Variants in TNFRSF13B observed in about 807,000 individuals in gnomAD.
TNFRSF13B encodes the protein TNF receptor superfamily member 13B.
TNFRSF13B carries 34 observed loss-of-function variants against 24.0 expected under a neutral mutation model. That is an observed-to-expected ratio of 1.41 (90% CI 1.08 to 1.88). TNFRSF13B has a LOEUF of 1.88. Among genes scored for constraint, TNFRSF13B ranks in the 40% most tolerant of loss-of-function variants. The pLI, the probability that TNFRSF13B is intolerant of heterozygous loss-of-function variation, is 0.00. For missense variants in TNFRSF13B, 415 were observed against 380.8 expected (o/e 1.09, Z -0.75); for synonymous variants, 173 against 150.3 (o/e 1.15, Z -1.10).
In TNFRSF13B at chr17:16,948,753, A is replaced by G; in HGVS notation, c.430T>C (p.Ser144Pro). 2 of 1,614,002 alleles carry G rather than the reference A, an allele frequency of 1.2e-6. No individual in the cohort carries two copies. Among genetic ancestry groups the G allele is most frequent in the Non-Finnish European group, 1.7e-6 (2 of 1,180,034 alleles). Residue 144 changes from serine to proline, a missense_variant, in exon 3 of 5, where the codon TCA (serine) becomes CCA (proline). Ser to Pro is a moderately conservative substitution (Grantham distance 74, BLOSUM62 -1). Coordinates refer to ENST00000261652, the MANE Select transcript of TNFRSF13B (RefSeq NM_012452.3). ...GGTGGCTTACCTGGACTTGCTTCTG[A>G]GCCTCTGTGCTCCAATCCTTGGTAC... ...GRYQGLEHRG[S>P]EASPALPGLK...
chr17:16,968,134 CCT>C (rs1240087034), intron 1 of TNFRSF13B, among the ~76,000 whole-genome samples: 2 of 107,176 alleles, frequency 1.9e-5, no homozygotes, highest in African/African-American at 7.1e-5. Context: ...AGAGCGAAAC[CCT>C]GTCTCAAAAA....
chr17:16,962,338 CT>C (rs2087668226), intron 1 of TNFRSF13B, among the ~76,000 whole-genome samples: 1 of 152,070 alleles, frequency 6.6e-6, no homozygotes, highest in African/African-American at 2.4e-5. Context: ...GAAACCCTGT[CT>C]TCACTGAAAA....
Position 16,939,661 on chromosome 17 carries a change from A to T in TNFRSF13B, c.768T>A (p.Ala256=), listed in dbSNP as rs745925364. 1 of 1,612,082 alleles carries T rather than the reference A, an allele frequency of 6.2e-7. No individual in the cohort carries two copies. The highest frequency in any genetic ancestry group is 1.7e-5 in the Admixed American group (1 of 59,876). The part of the protein sequence containing the change: ...VTPGTPDPTC[A]GRWGCHTRTT... ...TCCTGGTGTGGCACCCCCACCTTCC[A>T]GCACAAGTGGGGTCGGGGGTCCCAG... is the stretch of plus-strand genomic sequence containing the variant. Residue 256 remains alanine, a synonymous_variant, in exon 5 of 5, where the codon GCT becomes GCA. Transcript: ENST00000261652.
At chr17:16,943,676 T>G (rs1272178595) in intron 3 of TNFRSF13B, among the ~76,000 whole-genome samples, 5 of 152,150 alleles carry the variant, frequency 3.3e-5, no homozygotes, top group Admixed American at 6.5e-5. Flanking sequence ...GGGCCCTCTG[T>G]CATCTGGCAT....
rs752990010 is a variant in TNFRSF13B, at chr17:16,948,880, T to A, written c.303A>T (p.Ala101=). Residue 101 remains alanine, a synonymous_variant, in exon 3 of 5, where the codon GCA becomes GCT. Transcript: ENST00000261652. ...TCCTGAGCTTGTTCTCACAGAAGTA[T>A]GCACATTGCTTAGGGTGCTGTCCAC... The part of the protein sequence containing the change: ...SICGQHPKQC[A]YFCENKLRSP... 14 of 1,614,248 alleles carry A rather than the reference T, an allele frequency of 8.7e-6. No individual in the cohort carries two copies. The East Asian group carries it at 2.7e-4, about 31-fold the overall frequency.
chr17:16,946,043 G>C (rs2087545355), intron 3 of TNFRSF13B, among the ~76,000 whole-genome samples: 1 of 152,226 alleles, frequency 6.6e-6, no homozygotes, highest in South Asian at 2.1e-4. Flanking sequence ...GAGCCAGCCT[G>C]GCACAGCTGA....
intron 3 of TNFRSF13B, among the ~76,000 whole-genome samples, chr17:16,946,499 G>C (rs11654088): frequency 0.23 from 34,201 of 151,862 alleles, 4,197 homozygotes; most frequent in Middle Eastern, 0.34. Flanking sequence ...GACCCTTCTT[G>C]CCATGTCCAA....
At chr17:16,954,484 C>G (rs888452616) in intron 1 of TNFRSF13B, among the ~76,000 whole-genome samples, 2 of 152,220 alleles carry the variant, frequency 1.3e-5, no homozygotes, top group East Asian at 3.8e-4. Flanking sequence ...GCAAAGCTGA[C>G]AGTCAAGTCC....
chr17:16,960,652 A>C (rs1383347111), intron 1 of TNFRSF13B, among the ~76,000 whole-genome samples: 1 of 152,220 alleles, frequency 6.6e-6, no homozygotes, highest in Non-Finnish European at 1.5e-5. Context: ...AACTTTTGGA[A>C]GAAAACATAG....
At chr17:16,970,056 G>A (rs1362060326) in intron 1 of TNFRSF13B, among the ~76,000 whole-genome samples, 1 of 152,208 alleles carries the variant, frequency 6.6e-6, no homozygotes, top group African/African-American at 2.4e-5. Context: ...CTGACAGAGA[G>A]ACAGTGCCTG....
intron 1 of TNFRSF13B, among the ~76,000 whole-genome samples, chr17:16,961,486 T>C (rs2087662253): frequency 6.6e-6 from 1 of 152,162 alleles, no homozygotes; most frequent in Admixed American, 6.5e-5. Context: ...AATAAGACAG[T>C]CATAGAGAGA....
intron 3 of TNFRSF13B, chr17:16,941,071 T>C (rs1597657303): frequency 5.1e-6 from 3 of 587,874 alleles, no homozygotes; most frequent in East Asian, 2.2e-4. Context: ...TTACTTATAA[T>C]ACCAAATACA....
intron 2 of TNFRSF13B, among the ~76,000 whole-genome samples, chr17:16,951,296 G>T (rs529331012): frequency 1.3e-5 from 2 of 152,174 alleles, no homozygotes; most frequent in African/African-American, 2.4e-5. Flanking sequence ...GTCAGACATG[G>T]TTCCCCTGCC....
chr17:16,957,014 TAAC>T (rs1268582665), intron 1 of TNFRSF13B, among the ~76,000 whole-genome samples: 1 of 152,058 alleles, frequency 6.6e-6, no homozygotes, highest in Admixed American at 6.6e-5. Flanking sequence ...CTTTAAATGA[TAAC>T]GACGTGTCAG....
chr17:16,955,798 G>T (rs1443283455), intron 1 of TNFRSF13B, among the ~76,000 whole-genome samples: 1 of 152,228 alleles, frequency 6.6e-6, no homozygotes, highest in African/African-American at 2.4e-5. Flanking sequence ...TCACTATTTG[G>T]GAACTGTGGA....
intron 1 of TNFRSF13B, among the ~76,000 whole-genome samples, chr17:16,963,724 G>A (rs905682621): frequency 2.0e-5 from 3 of 151,980 alleles, no homozygotes; most frequent in Non-Finnish European, 2.9e-5. Context: ...TAATTTTTTT[G>A]TATTTTTAGT....
intron 2 of TNFRSF13B, among the ~76,000 whole-genome samples, chr17:16,952,030 C>T (rs1047738240): frequency 6.6e-6 from 1 of 152,158 alleles, no homozygotes; most frequent in Non-Finnish European, 1.5e-5. Context: ...GTGCTGTCCT[C>T]TCTATGTACA....
intron 1 of TNFRSF13B, among the ~76,000 whole-genome samples, chr17:16,967,377 G>A (rs1440865153): frequency 1.3e-5 from 2 of 151,932 alleles, no homozygotes; most frequent in Non-Finnish European, 2.9e-5. Flanking sequence ...CCCTGTTTTT[G>A]TTTTGGAGGT....
At chr17:16,960,886 A>G (rs1451500133) in intron 1 of TNFRSF13B, among the ~76,000 whole-genome samples, 1 of 152,200 alleles carries the variant, frequency 6.6e-6, no homozygotes, top group Non-Finnish European at 1.5e-5. Flanking sequence ...ATATATAAAG[A>G]ACTCCTAAAA....
Sources: allele counts gnomAD v4.1 joint callset (sites outside exome capture counted in the v4.1 genomes callset), GRCh38; gene constraint gnomAD v4.1.1; transcripts MANE v1.5; gene names NCBI Gene and HGNC (gene_info 2026-07-23, HGNC 2026-07-21).